RASA3: variants seen among roughly 807,000 people sequenced by gnomAD.
RASA3 encodes RAS p21 protein activator 3.
A neutral mutation model predicts 110.0 loss-of-function variants in RASA3; 73 were observed. That is an observed-to-expected ratio of 0.66 (90% CI 0.55 to 0.81). The LOEUF (loss-of-function observed/expected upper bound fraction) is 0.81, where lower values mean the gene tolerates loss of function less well. Ranked by LOEUF, RASA3 falls within the 30% of genes least tolerant of loss-of-function variation. The pLI is 0.00. For synonymous variants in RASA3, 500 were observed against 451.4 expected (o/e 1.11, Z -1.37); for missense variants, 976 against 1,113.2 (o/e 0.88, Z 1.75).
chr13:114,076,714 C>G (rs1594430612), intron 1 of RASA3, among the ~76,000 whole-genome samples: 1 of 152,044 alleles, frequency 6.6e-6, no homozygotes, highest in Non-Finnish European at 1.5e-5. Context: ...GCAGACGCAG[C>G]CTTCCTGGTG....
In RASA3 at chr13:114,117,036, GA is replaced by G. The variant is rs140313236; in HGVS notation, c.55+15398del. Among the ~76,000 whole-genome samples the G allele has an allele frequency of 8.7e-4, 122 of 141,018 alleles. 2 individuals are homozygous for G. Among genetic ancestry groups the G allele is most frequent in the Middle Eastern group, 9.6e-3 (2 of 208 alleles). 92.5% of individuals were successfully genotyped at this position (141,018 alleles called of 152,430 possible). A position where few individuals can be genotyped will look rare whatever the true frequency, so the allele number is the denominator to read the frequency against. ...ACGTGTGTGAGGGGTGCACGTGTGA[GA>G]GGGGTGCACGTGTGTGAGGGGTGCA... On this transcript the variant is annotated intron_variant, in intron 1 of 23. Coordinates refer to ENST00000334062, the MANE Select transcript of RASA3 (RefSeq NM_007368.4).
Position 114,080,278 on chromosome 13 carries a change from G to A in RASA3, c.56-6441C>T, listed in dbSNP as rs1035607612. Among the ~76,000 whole-genome samples the A allele has an allele frequency of 2.0e-5, 3 of 152,182 alleles. No homozygotes were observed. In the East Asian group the frequency reaches 5.8e-4, roughly 29 times the overall value. On this transcript the variant is annotated intron_variant, in intron 1 of 23. Coordinates refer to ENST00000334062, the MANE Select transcript of RASA3 (RefSeq NM_007368.4). ...AAGGCACCCCCCAATCCTCCTGGCC[G>A]GGAGGGGCTGCTGGGAGCCCCTGGC...
Position 114,014,653 on chromosome 13 carries a change from G to A in RASA3, c.1405+556C>T, listed in dbSNP as rs947521312. Among the ~76,000 whole-genome samples the A allele has an allele frequency of 6.6e-6, 1 of 152,150 alleles. No homozygotes were observed. Among genetic ancestry groups the A allele is most frequent in the African/African-American group, 2.4e-5 (1 of 41,436 alleles). On this transcript the variant is annotated intron_variant, in intron 14 of 23. Transcript: ENST00000334062. The surrounding 1 kb of genome is among the most constrained non-coding windows in gnomAD (Gnocchi z 4.5). Reference sequence around the variant, plus strand: ...GAGGGTCGGCAAGGTTGAGAAGTGGGGTTTGGGTGCTGGATGCCCAGGTCC... The same window carrying A: ...GAGGGTCGGCAAGGTTGAGAAGTGGAGTTTGGGTGCTGGATGCCCAGGTCC...
intron 4 of RASA3, among the ~76,000 whole-genome samples, chr13:114,034,292 G>A (rs979475945): frequency 6.6e-6 from 1 of 152,268 alleles, no homozygotes; most frequent in African/African-American, 2.4e-5. Flanking sequence ...ACTCTCTCAG[G>A]ACAGAAGCGT....
chr13:114,053,089 C>A (rs9525224), intron 2 of RASA3, among the ~76,000 whole-genome samples: 1,275 of 46,982 alleles, frequency 0.027, 1 homozygote, highest in African/African-American at 0.084. Flanking sequence ...AGTCCTCGCT[C>A]CTGGGGGAGA....
In RASA3 at chr13:114,115,545, G is replaced by A. The variant is rs961872092; in HGVS notation, c.55+16890C>T. On this transcript the variant is annotated intron_variant, in intron 1 of 23. Transcript: ENST00000334062. The surrounding 1 kb of genome is among the most constrained non-coding windows in gnomAD (Gnocchi z 5.0). Reference sequence around the variant, plus strand: ...AGACTCATGCCCTAGAGATAAAGCCGTCGGAGGCAGAGTGCAGGCCTCGAA... The same window carrying A: ...AGACTCATGCCCTAGAGATAAAGCCATCGGAGGCAGAGTGCAGGCCTCGAA... Among the ~76,000 whole-genome samples the A allele has an allele frequency of 5.3e-5, 8 of 152,204 alleles. 1 individual carries two copies. The highest frequency in any genetic ancestry group is 1.9e-4 in the East Asian group (1 of 5,200).
rs913645068 is a variant in RASA3, at chr13:114,011,534, G to C, written c.1513-286C>G. ...TCTCAAAGTCGAAAGCATCAGGTGG[G>C]GTCATGGCTCTGGGGCGCTGAGTCT... On this transcript the variant is annotated intron_variant, in intron 15 of 23. Transcript: ENST00000334062. The surrounding 1 kb of genome is among the most constrained non-coding windows in gnomAD (Gnocchi z 4.8). Among the ~76,000 whole-genome samples, 3 of 152,208 alleles carry C rather than the reference G, an allele frequency of 2.0e-5. No individual in the cohort carries two copies. Among genetic ancestry groups the C allele is most frequent in the Admixed American group, 6.5e-5 (1 of 15,296 alleles).
chr13:114,009,605 G>A, intron 16 of RASA3, 141 bp from the exon 17 acceptor site: 1 of 640,622 alleles, frequency 1.6e-6, no homozygotes, highest in Non-Finnish European at 2.7e-6. Flanking sequence ...GGGCAAGTGA[G>A]AGCCCGCAGG....
At chr13:114,042,627 T>C (rs117672657) in intron 3 of RASA3, among the ~76,000 whole-genome samples, 1 of 152,196 alleles carries the variant, frequency 6.6e-6, no homozygotes, top group Admixed American at 6.5e-5. Flanking sequence ...CTGGGCCTCC[T>C]ACCCGGCCAC....
rs967676311 is a variant in RASA3 at position 114,045,729 on chromosome 13, A to G, written c.278-4635T>C. On this transcript the variant is annotated intron_variant, in intron 3 of 23. Transcript: ENST00000334062. ...GTGGAGACGTCGACTGCGTTTGTAC[A>G]TACAAGCAATGACCATGAAAATTAC... is the stretch of plus-strand genomic sequence containing the variant. 3.0e-4 allele frequency among the ~76,000 whole-genome samples: 46 copies of G among 152,266 alleles called. 1 individual carries two copies. The highest frequency in any genetic ancestry group is 1.0e-3 in the African/African-American group (43 of 41,476).
At chr13:114,053,569 G>C (rs114378677) in intron 2 of RASA3, among the ~76,000 whole-genome samples, 1 of 152,216 alleles carries the variant, frequency 6.6e-6, no homozygotes, top group Non-Finnish European at 1.5e-5. Flanking sequence ...GCCAGGGGGC[G>C]TCCACACAGT....
chr13:114,070,337 C>A (rs1360818773), intron 2 of RASA3, among the ~76,000 whole-genome samples: 2 of 152,036 alleles, frequency 1.3e-5, no homozygotes, highest in African/African-American at 2.4e-5. Flanking sequence ...TGGGGCAGCC[C>A]TGCCTGACAC....
chr13:113,989,576 T>C (rs181549819), intron 22 of RASA3, among the ~76,000 whole-genome samples: 1 of 139,526 alleles, frequency 7.2e-6, no homozygotes, highest in Admixed American at 7.2e-5. Context: ...CATCCATCTA[T>C]CCACCCATCA....
intron 1 of RASA3, among the ~76,000 whole-genome samples, chr13:114,131,910 C>T (rs1028038386): frequency 2.6e-5 from 4 of 152,158 alleles, no homozygotes; most frequent in Non-Finnish European, 5.9e-5. Flanking sequence ...GACGCGCGCG[C>T]ACAGCAGCAG....
intron 22 of RASA3, among the ~76,000 whole-genome samples, chr13:113,991,292 G>T (rs1192699985): frequency 6.6e-6 from 1 of 152,130 alleles, no homozygotes; most frequent in Non-Finnish European, 1.5e-5. Context: ...CAAGCTCACA[G>T]ATGGGCAGCT....
chr13:114,024,415 C>T (rs1594342227), intron 7 of RASA3, 60 bp from the exon 8 acceptor site: 5 of 1,488,726 alleles, frequency 3.4e-6, no homozygotes, highest in Non-Finnish European at 3.7e-6. Context: ...GGGGTATATG[C>T]GGACCTAGGC....
At chr13:114,038,627 C>T (rs532473971) in intron 4 of RASA3, among the ~76,000 whole-genome samples, 3 of 152,312 alleles carry the variant, frequency 2.0e-5, no homozygotes, top group African/African-American at 7.2e-5. Flanking sequence ...TGGCCATGGG[C>T]GTGTGCACAG....
intron 1 of RASA3, among the ~76,000 whole-genome samples, chr13:114,111,725 G>A (rs1211343695): frequency 6.6e-6 from 1 of 152,254 alleles, no homozygotes; most frequent in East Asian, 1.9e-4. Flanking sequence ...CTATGTCCAT[G>A]ACCATCTCTG....
chr13:114,055,442 G>T (rs920898487), intron 2 of RASA3, among the ~76,000 whole-genome samples: 1 of 152,232 alleles, frequency 6.6e-6, no homozygotes, highest in Non-Finnish European at 1.5e-5. Context: ...GAGAAGCTTG[G>T]TGCTCTGCGG....
Sources: allele counts gnomAD v4.1 joint callset (sites outside exome capture counted in the v4.1 genomes callset), GRCh38; gene constraint gnomAD v4.1.1; non-coding constraint Gnocchi (gnomAD v3.1); transcripts MANE v1.5; gene names NCBI Gene and HGNC (gene_info 2026-07-23, HGNC 2026-07-21).